TEK: variants seen among roughly 807,000 people sequenced by gnomAD.
The protein encoded by TEK is TEK receptor tyrosine kinase.
TEK carries 43 observed loss-of-function variants against 131.8 expected under a neutral mutation model. The ratio of observed to expected loss-of-function variants is 0.33; its 90% CI spans 0.26 to 0.42. The LOEUF is 0.42. TEK is among the 10% of genes least tolerant of loss of function. The probability of loss-of-function intolerance (pLI) is 1.00; values close to 1 mark genes in which losing one functional copy is unlikely to be tolerated. For missense variants in TEK, 1,162 were observed against 1,384.4 expected (o/e 0.84, Z 2.55); for synonymous variants, 580 against 491.6 (o/e 1.18, Z -2.38).
At chr9:27,177,972 A>G (rs1291390150) in intron 6 of TEK, among the ~76,000 whole-genome samples, 6 of 152,090 alleles carry the variant, frequency 3.9e-5, no homozygotes, top group Admixed American at 6.6e-5. Context: ...GTTTGATGCA[A>G]TCACATTTGT....
intron 1 of TEK, among the ~76,000 whole-genome samples, chr9:27,121,102 A>G (rs1587479303): frequency 6.6e-6 from 1 of 152,058 alleles, no homozygotes; most frequent in African/African-American, 2.4e-5. Flanking sequence ...CCAGCGAATC[A>G]CCTGAGGTCA....
chr9:27,229,381 T>G lies in TEK; in HGVS notation c.*149T>G. 1 of 758,066 alleles carries G rather than the reference T, an allele frequency of 1.3e-6. No individual in the cohort carries two copies. The highest frequency in any genetic ancestry group is 2.4e-6 in the Non-Finnish European group (1 of 423,906). 47.0% of individuals were successfully genotyped at this position (758,066 alleles called of 1,614,324 possible). ...GGGACCTTCACCACTGTAGATCCCA[T>G]GCATGGATCTATGTAGTATGCTCTG... On this transcript the variant is annotated 3_prime_UTR_variant, in exon 23 of 23. Coordinates refer to ENST00000380036, the MANE Select transcript of TEK (RefSeq NM_000459.5).
chr9:27,204,813 T>C, intron 13 of TEK, 98 bp from the exon 14 acceptor site: 1 of 1,544,856 alleles, frequency 6.5e-7, no homozygotes, highest in South Asian at 1.1e-5. Flanking sequence ...AAGGCTGCTG[T>C]TAAGTTCCCA....
At chr9:27,175,251 C>T (rs1004396668) in intron 6 of TEK, among the ~76,000 whole-genome samples, 1 of 149,178 alleles carries the variant, frequency 6.7e-6, no homozygotes, top group Non-Finnish European at 1.5e-5. Flanking sequence ...GGTTTTTTGT[C>T]CTTGTGATAG....
At position 27,112,113 on chromosome 9, in the gene TEK, G is replaced by T. The variant is rs1821369385; in HGVS notation, c.52+2471G>T. Among the ~76,000 whole-genome samples the T allele has an allele frequency of 2.0e-5, 3 of 152,074 alleles. 1 individual carries two copies. The South Asian group carries it at 6.2e-4, about 32-fold the overall frequency. On this transcript the variant is annotated intron_variant, in intron 1 of 22. Coordinates refer to ENST00000380036, the MANE Select transcript of TEK (RefSeq NM_000459.5). ...GGGGTTTCACCATGTTGGCCAGGCT[G>T]GTCTCGAACTCCTGACCCCAAGTGA...
intron 1 of TEK, among the ~76,000 whole-genome samples, chr9:27,119,245 T>A (rs1254239718): frequency 6.4e-4 from 98 of 152,170 alleles, no homozygotes; most frequent in Non-Finnish European, 4.4e-5. Context: ...AACTAGTGTT[T>A]CATGGTCACC....
At chr9:27,164,710 T>A (rs1473828622) in intron 2 of TEK, among the ~76,000 whole-genome samples, 1 of 152,076 alleles carries the variant, frequency 6.6e-6, no homozygotes, top group African/African-American at 2.4e-5. Flanking sequence ...TTAAATATTT[T>A]TTTTGTATGG....
At chr9:27,134,119 C>T (rs909795256) in intron 1 of TEK, among the ~76,000 whole-genome samples, 1 of 152,166 alleles carries the variant, frequency 6.6e-6, no homozygotes, top group Admixed American at 6.5e-5. Context: ...GAGTGACAGG[C>T]TGTTCTAGTA....
Position 27,197,365 on chromosome 9 carries a change from C to A in TEK, c.1675C>A (p.Leu559Ile), listed in dbSNP as rs1283376594. The change falls in exon 12 of 23, where the codon CTA becomes ATA. Residue 559 changes from leucine (L) to isoleucine (I), a missense_variant. By Grantham distance (5) the Leu-to-Ile change is conservative. Coordinates refer to ENST00000380036, the MANE Select transcript of TEK (RefSeq NM_000459.5). ...TCTCCTGCCTAAAAGTCAGACCACT[C>A]TAAATTTGACCTGGCAACCAATATT... ...LNLLPKSQTT[L>I]NLTWQPIFPS... is the part of the protein sequence containing the mutation. 6.2e-7 allele frequency: 1 copy of A among 1,614,044 alleles called. No homozygotes were observed. The highest frequency in any genetic ancestry group is 8.5e-7 in the Non-Finnish European group (1 of 1,180,012).
intron 20 of TEK, among the ~76,000 whole-genome samples, chr9:27,219,750 T>TTCCA (rs748888881): frequency 0.46 from 58,377 of 128,152 alleles, 13,298 homozygotes; most frequent in East Asian, 0.56. Flanking sequence ...ATCTTATTGG[T>TTCCA]ATAATAAAGG....
At position 27,189,378 on chromosome 9, in the gene TEK, A is replaced by C. The variant is rs533932601; in HGVS notation, c.1328-1151A>C. On this transcript the variant is annotated intron_variant, in intron 9 of 22. Coordinates refer to ENST00000380036, the MANE Select transcript of TEK (RefSeq NM_000459.5). ...TCACCATAAGATTTTATTATCACAG[A>C]TGTACTTTATATCTCTTTATGTACT... Among the ~76,000 whole-genome samples, 7 of 152,274 alleles carry C rather than the reference A, an allele frequency of 4.6e-5. No homozygotes were observed. In the South Asian group the frequency reaches 1.5e-3, roughly 32 times the overall value.
At chr9:27,194,622 A>T (rs1824942777) in intron 11 of TEK, among the ~76,000 whole-genome samples, 1 of 152,200 alleles carries the variant, frequency 6.6e-6, no homozygotes, top group Non-Finnish European at 1.5e-5. Context: ...ACTGACTCAG[A>T]TGGAAAGTAT....
intron 1 of TEK, among the ~76,000 whole-genome samples, chr9:27,136,030 C>G (rs1243874959): frequency 6.6e-6 from 1 of 151,684 alleles, no homozygotes; most frequent in African/African-American, 2.4e-5. Context: ...ATATCCTTTT[C>G]TGCGGAATTC....
At chr9:27,213,134 A>C (rs1005074702) in intron 17 of TEK, among the ~76,000 whole-genome samples, 2 of 152,314 alleles carry the variant, frequency 1.3e-5, no homozygotes, top group East Asian at 3.9e-4. Context: ...ATCTAATTTC[A>C]TATATGCAAA....
In TEK at chr9:27,190,542, C is replaced by T. The variant is rs2131183132; in HGVS notation, c.1341C>T (p.Pro447=). Residue 447 remains proline (P), a synonymous_variant, in exon 10 of 23, where the codon CCC becomes CCT. Transcript: ENST00000380036. ...AATTGTATTTAGTTCTTCCAAAGCC[C>T]CTGAATGCCCCAAACGTGATTGACA... is the stretch of plus-strand genomic sequence containing the variant. ...FNISVKVLPK[P]LNAPNVIDTG... is the part of the protein sequence containing the mutation. The T allele has an allele frequency of 6.2e-7, 1 of 1,614,000 alleles. No individual in the cohort carries two copies. Among genetic ancestry groups the T allele is most frequent in the Non-Finnish European group, 8.5e-7 (1 of 1,179,890 alleles).
chr9:27,122,189 G>A (rs936021609), intron 1 of TEK, among the ~76,000 whole-genome samples: 10 of 152,208 alleles, frequency 6.6e-5, no homozygotes, highest in Non-Finnish European at 1.5e-4. Context: ...AGGCATTGGA[G>A]TTCCAAAGAT....
intron 1 of TEK, among the ~76,000 whole-genome samples, chr9:27,141,695 G>T (rs373066001): frequency 3.9e-5 from 6 of 152,258 alleles, no homozygotes; most frequent in African/African-American, 1.4e-4. Flanking sequence ...TTAGTGGGAA[G>T]TTGGAAGAGA....
chr9:27,180,111 A>G (rs1824307985), intron 6 of TEK, 129 bp from the exon 7 acceptor site: 1 of 1,356,614 alleles, frequency 7.4e-7, no homozygotes, highest in East Asian at 2.4e-5. Context: ...ATTCAGATAA[A>G]TTACCCCCTA....
chr9:27,121,170 A>C (rs1263683953), intron 1 of TEK, among the ~76,000 whole-genome samples: 1 of 151,994 alleles, frequency 6.6e-6, no homozygotes, highest in African/African-American at 2.4e-5. Flanking sequence ...AAAAATACAA[A>C]AAAAAAATTA....
Sources: allele counts gnomAD v4.1 joint callset (sites outside exome capture counted in the v4.1 genomes callset), GRCh38; gene constraint gnomAD v4.1.1; transcripts MANE v1.5; gene names NCBI Gene and HGNC (gene_info 2026-07-23, HGNC 2026-07-21).